The following TEX2 variants were observed in gnomAD, a reference collection of about 807,000 sequenced individuals.
The protein encoded by TEX2 is testis expressed 2, also known as testis-expressed protein 2.
TEX2 carries 53 observed loss-of-function variants against 106.9 expected under a neutral mutation model. That is an observed-to-expected ratio of 0.50 (90% CI 0.40 to 0.62). TEX2 has a LOEUF of 0.62. TEX2 is among the 20% of genes least tolerant of loss of function. The probability of loss-of-function intolerance (pLI) is 0.00; values close to 1 mark genes in which losing one functional copy is unlikely to be tolerated. For missense variants in TEX2, 1,207 were observed against 1,379.0 expected, an observed-to-expected ratio of 0.88 and a Z score of 1.98; for synonymous variants, 523 against 534.8, an observed-to-expected ratio of 0.98 and a Z score of 0.30.
intron 7 of TEX2, among the ~76,000 whole-genome samples, chr17:64,168,965 G>A (rs927627961): frequency 1.5e-5 from 2 of 134,622 alleles, no homozygotes; most frequent in African/African-American, 5.5e-5. Flanking sequence ...CTCCCGAGTA[G>A]CTGGGATTAC....
intron 8 of TEX2, among the ~76,000 whole-genome samples, chr17:64,159,169 C>T (rs944267716): frequency 1.3e-5 from 2 of 152,186 alleles, no homozygotes; most frequent in Non-Finnish European, 2.9e-5. Flanking sequence ...AGGGACCGGC[C>T]TGGTTGCCAC....
chr17:64,256,816 A>T, intron 1 of TEX2, among the ~76,000 whole-genome samples: 1 of 152,198 alleles, frequency 6.6e-6, no homozygotes, highest in East Asian at 1.9e-4. Flanking sequence ...CTTTCAGTAA[A>T]AAGATTTTTA....
chr17:64,178,983 T>C lies in TEX2; in HGVS notation c.2425-1512A>G, dbSNP rs114467598. Among the ~76,000 whole-genome samples, 333 of 152,332 alleles carry C rather than the reference T, an allele frequency of 2.2e-3. 1 individual carries two copies. The highest frequency in any genetic ancestry group is 7.6e-3 in the African/African-American group (318 of 41,572). On this transcript the variant is annotated intron_variant, in intron 5 of 11. Coordinates refer to ENST00000584379, the MANE Select transcript of TEX2 (RefSeq NM_001288732.2). ...GAGTACTCCCAAGGTCTACAGCACA[T>C]AGCTCCGTGCACTCATTCTGAAGCT...
At chr17:64,236,381 C>T (rs1293003900) in intron 1 of TEX2, among the ~76,000 whole-genome samples, 2 of 151,890 alleles carry the variant, frequency 1.3e-5, no homozygotes, top group South Asian at 2.1e-4. Context: ...CTGAGCAACA[C>T]GGTGAGACCC....
At chr17:64,175,333 TCTGGCACTG>T (rs1477090944) in intron 6 of TEX2, among the ~76,000 whole-genome samples, 1 of 152,212 alleles carries the variant, frequency 6.6e-6, no homozygotes, top group East Asian at 1.9e-4. Flanking sequence ...ACCTCTAGCC[TCTGGCACTG>T]CTGGATCTAG....
rs1555632010 is a variant in TEX2 at position 64,213,348 on chromosome 17, A to T, written c.870T>A (p.Thr290=). Residue 290 remains threonine, a synonymous_variant, in exon 2 of 12, where the codon ACT becomes ACA. Coordinates refer to ENST00000584379, the MANE Select transcript of TEX2 (RefSeq NM_001288732.2). The surrounding 1 kb of genome is among the most constrained non-coding windows in gnomAD (Gnocchi z 4.4). ...AGATGACTTCTGAAAGGCGTCGTTT[A>T]GTATCTTCAATTTTAGCCTCCATTT... ...VPEMEAKIED[T]KRRLSEVIYE... 1 of 1,614,060 alleles carries T rather than the reference A, an allele frequency of 6.2e-7. No individual in the cohort carries two copies. The highest frequency in any genetic ancestry group is 1.7e-5 in the Admixed American group (1 of 60,028).
chr17:64,162,504 T>C (rs918611509), intron 7 of TEX2, among the ~76,000 whole-genome samples: 2 of 152,248 alleles, frequency 1.3e-5, no homozygotes, highest in African/African-American at 4.8e-5. Flanking sequence ...ATTAATAGTA[T>C]GCGTTGCCTT....
chr17:64,253,038 C>T (rs1228833735), intron 1 of TEX2, among the ~76,000 whole-genome samples: 1 of 152,192 alleles, frequency 6.6e-6, no homozygotes, highest in Non-Finnish European at 1.5e-5. Flanking sequence ...GCAGGAGGGG[C>T]TAGATCACAC....
At chr17:64,178,279 AG>A (rs1256140111) in intron 5 of TEX2, among the ~76,000 whole-genome samples, 1 of 152,108 alleles carries the variant, frequency 6.6e-6, no homozygotes, top group Non-Finnish European at 1.5e-5. Context: ...TCTGGCCTGG[AG>A]GGGGTCAGGG....
intron 1 of TEX2, among the ~76,000 whole-genome samples, chr17:64,225,346 T>C (rs188493228): frequency 7.9e-5 from 12 of 152,096 alleles, no homozygotes; most frequent in Admixed American, 2.6e-4. Flanking sequence ...TGGAAGGGCA[T>C]TGAGATGGGA....
At chr17:64,177,540 TAA>T (rs1433772238) in intron 5 of TEX2, 69 bp from the exon 6 acceptor site, 3 of 1,549,182 alleles carry the variant, frequency 1.9e-6, no homozygotes, top group Non-Finnish European at 1.8e-6. Flanking sequence ...CTTATTTTTA[TAA>T]AGTCACTGAA....
At chr17:64,262,640 G>A (rs886847403) in intron 1 of TEX2, among the ~76,000 whole-genome samples, 13 of 152,196 alleles carry the variant, frequency 8.5e-5, no homozygotes, top group East Asian at 3.9e-4. Context: ...TCGGCACGCC[G>A]CCGCCTCCCT....
At chr17:64,159,209 G>A (rs1489201331) in intron 8 of TEX2, among the ~76,000 whole-genome samples, 1 of 152,176 alleles carries the variant, frequency 6.6e-6, no homozygotes, top group Non-Finnish European at 1.5e-5. Flanking sequence ...CTTTGCAATG[G>A]AGTCCCTGTG....
chr17:64,252,995 C>T (rs1555637209), intron 1 of TEX2, among the ~76,000 whole-genome samples: 2 of 151,866 alleles, frequency 1.3e-5, no homozygotes, highest in Non-Finnish European at 1.5e-5. Context: ...ATACAATAAA[C>T]CAGGAGAGAC....
At position 64,154,761 on chromosome 17, in the gene TEX2, A is replaced by C. The variant is rs2030532061; in HGVS notation, c.2930+81T>G. The C allele has an allele frequency of 2.1e-6, 3 of 1,402,032 alleles. No individual in the cohort carries two copies. In the African/African-American group the frequency reaches 4.4e-5, roughly 21 times the overall value. The allele number at this position is 1,402,032 out of a possible 1,614,324, so 86.8% of individuals were successfully genotyped here. A position where few individuals can be genotyped will look rare whatever the true frequency, so the allele number is the denominator to read the frequency against. ...AAAGAGGAAGGAAGATCACAGAGGA[A>C]GGAAGGGAAACAAGGTTCACTCCCA... On this transcript the variant is annotated intron_variant, in intron 9 of 11. Transcript: ENST00000584379.
At chr17:64,209,935 C>T (rs1373687982) in intron 2 of TEX2, among the ~76,000 whole-genome samples, 1 of 152,148 alleles carries the variant, frequency 6.6e-6, no homozygotes, top group East Asian at 1.9e-4. Context: ...AAACTCTTGA[C>T]ATATCACAGT....
At chr17:64,211,119 C>T (rs2032989293) in intron 2 of TEX2, among the ~76,000 whole-genome samples, 1 of 152,132 alleles carries the variant, frequency 6.6e-6, no homozygotes, top group Non-Finnish European at 1.5e-5. Context: ...CGCCACCAAG[C>T]CCAGCTAATT....
In TEX2 at chr17:64,185,466, C is replaced by T. The variant is rs1543267; in HGVS notation, c.2424+2702G>A. 0.87 allele frequency among the ~76,000 whole-genome samples: 133,088 copies of T among 152,156 alleles called. 58,517 individuals carry two copies. Among genetic ancestry groups the T allele is most frequent in the African/African-American group, 0.97 (40,270 of 41,510 alleles). ...TTCAGACATTTTTTAAAAAAGAGTT[C>T]CCTTGTTTCCTGAATTAAATCCCCT... On this transcript the variant is annotated intron_variant, in intron 5 of 11. Coordinates refer to ENST00000584379, the MANE Select transcript of TEX2 (RefSeq NM_001288732.2). The surrounding 1 kb of genome is among the most constrained non-coding windows in gnomAD (Gnocchi z 4.0).
chr17:64,257,460 T>G (rs530473614), intron 1 of TEX2, among the ~76,000 whole-genome samples: 20 of 152,302 alleles, frequency 1.3e-4, no homozygotes, highest in Non-Finnish European at 2.5e-4. Context: ...CCAACCAAGT[T>G]CTGAAAATAT....
Sources: gnomAD v4.1 joint callset for allele counts (sites outside exome capture counted in the v4.1 genomes callset) on GRCh38, gnomAD v4.1.1 for gene constraint, Gnocchi (gnomAD v3.1) non-coding constraint, MANE v1.5 for transcripts, NCBI Gene and HGNC (gene_info 2026-07-23, HGNC 2026-07-21) for gene names.